UBE3C: variants seen among roughly 807,000 people sequenced by gnomAD.
The protein encoded by UBE3C is ubiquitin protein ligase E3C, also known as ubiquitin-protein ligase E3C.
UBE3C carries 42 observed loss-of-function variants against 129.4 expected under a neutral mutation model. That is an observed-to-expected ratio of 0.32 (90% CI 0.25 to 0.42). The LOEUF (loss-of-function observed/expected upper bound fraction) is 0.42, where lower values mean the gene tolerates loss of function less well. UBE3C is among the 10% of genes least tolerant of loss of function. The pLI, the probability that UBE3C is intolerant of heterozygous loss-of-function variation, is 1.00. For missense variants in UBE3C, 1,049 were observed against 1,319.1 expected (o/e 0.80, Z 3.17); for synonymous variants, 510 against 492.4 (o/e 1.04, Z -0.47).
chr7:157,139,184 G>T lies in UBE3C; in HGVS notation c.-89G>T. 1.0e-6 allele frequency: 1 copy of T among 988,772 alleles called. No individual in the cohort carries two copies. The highest frequency in any genetic ancestry group is 1.2e-6 in the Non-Finnish European group (1 of 807,956). The allele number at this position is 988,772 out of a possible 1,614,324, so 61.2% of individuals were successfully genotyped here. ...CTCGCTGCCCCGGGCCGGGCGGGCG[G>T]GCGCCGAGAGCCTCCCAGCCCGCCC... On this transcript the variant is annotated 5_prime_UTR_variant, in exon 1 of 23. Transcript: ENST00000348165.
chr7:157,250,108 C>T (rs1034302785), intron 19 of UBE3C, among the ~76,000 whole-genome samples: 2 of 152,174 alleles, frequency 1.3e-5, no homozygotes, highest in Non-Finnish European at 2.9e-5. Flanking sequence ...GGAAGTGGGG[C>T]TATCAGTTCC....
chr7:157,169,995 T>A (rs1808321451), intron 3 of UBE3C, among the ~76,000 whole-genome samples: 1 of 152,040 alleles, frequency 6.6e-6, no homozygotes, highest in African/African-American at 2.4e-5. Flanking sequence ...AGCTTTTGTA[T>A]TTTTAGTAGA....
chr7:157,231,271 C>T lies in UBE3C; in HGVS notation c.2425C>T (p.Leu809Phe). Residue 809 changes from leucine to phenylalanine, a missense_variant, in exon 18 of 23, where the codon CTT becomes TTT. Physicochemically the swap from Leu to Phe is conservative, Grantham distance 22 (BLOSUM62 0). Coordinates refer to ENST00000348165, the MANE Select transcript of UBE3C (RefSeq NM_014671.3). The stretch of plus-strand genomic sequence containing the variant: ...GTACCCCAACCCGGCTGCTCAGATG[C>T]TTGTGGGAGATTCTTTTGCCAGACA... ...LLYPNPAAQM[L>F]VGDSFARHYY... 1 of 1,614,140 alleles carries T rather than the reference C, an allele frequency of 6.2e-7. No homozygotes were observed. Among genetic ancestry groups the T allele is most frequent in the Non-Finnish European group, 8.5e-7 (1 of 1,180,044 alleles).
intron 2 of UBE3C, among the ~76,000 whole-genome samples, chr7:157,165,540 G>A (rs1258841777): frequency 1.3e-5 from 2 of 151,934 alleles, no homozygotes; most frequent in Admixed American, 1.3e-4. Flanking sequence ...TGGGACTACA[G>A]GTGCACGCCA....
chr7:157,169,912 G>A (rs941773023), intron 3 of UBE3C, among the ~76,000 whole-genome samples: 1 of 152,066 alleles, frequency 6.6e-6, no homozygotes, highest in African/African-American at 2.4e-5. Flanking sequence ...TCGAACTCCC[G>A]ACCTCAGGTG....
intron 18 of UBE3C, among the ~76,000 whole-genome samples, chr7:157,238,433 G>A (rs1384110373): frequency 6.6e-6 from 1 of 152,164 alleles, no homozygotes; most frequent in African/African-American, 2.4e-5. Flanking sequence ...CCCGGTGGTA[G>A]TGCTGGTAAG....
chr7:157,201,597 C>A, intron 10 of UBE3C, 124 bp from the exon 11 acceptor site: 1 of 646,792 alleles, frequency 1.5e-6, no homozygotes, highest in Non-Finnish European at 2.4e-6. Context: ...GGTATTAGTA[C>A]AGAGATTTGC....
At chr7:157,267,409 T>G (rs149430905) in intron 22 of UBE3C, among the ~76,000 whole-genome samples, 176 bp from the exon 23 acceptor site, 2 of 152,146 alleles carry the variant, frequency 1.3e-5, no homozygotes, top group Non-Finnish European at 2.9e-5. Flanking sequence ...GCGACAGAGC[T>G]AGACTCCATC....
At chr7:157,246,121 C>T (rs1204227162) in intron 18 of UBE3C, among the ~76,000 whole-genome samples, 6 of 151,934 alleles carry the variant, frequency 3.9e-5, no homozygotes, top group Non-Finnish European at 7.4e-5. Context: ...TTTCTCCAGT[C>T]GTATCAGTGG....
At chr7:157,190,633 C>T (rs2116950750) in intron 10 of UBE3C, among the ~76,000 whole-genome samples, 1 of 152,224 alleles carries the variant, frequency 6.6e-6, no homozygotes, top group Non-Finnish European at 1.5e-5. Flanking sequence ...GAGCTGTATT[C>T]TCTATGTCAT....
chr7:157,265,466 T>C (rs1797051226), intron 22 of UBE3C, among the ~76,000 whole-genome samples: 1 of 152,254 alleles, frequency 6.6e-6, no homozygotes, highest in Non-Finnish European at 1.5e-5. Context: ...AAGTCTGCGT[T>C]GAGCAATCCC....
chr7:157,264,376 T>C (rs1248435512), intron 22 of UBE3C, among the ~76,000 whole-genome samples: 1 of 137,238 alleles, frequency 7.3e-6, no homozygotes, highest in South Asian at 2.4e-4. Context: ...CACCTGGTAC[T>C]ACAGGTGTGA....
Position 157,225,553 on chromosome 7 carries a change from T to C in UBE3C, c.2233+14T>C, listed in dbSNP as rs1252482023. The C allele has an allele frequency of 6.5e-7, 1 of 1,549,724 alleles. No individual in the cohort carries two copies. Among genetic ancestry groups the C allele is most frequent in the Non-Finnish European group, 8.6e-7 (1 of 1,156,116 alleles). On this transcript the variant is annotated intron_variant, in intron 17 of 22. Coordinates refer to ENST00000348165, the MANE Select transcript of UBE3C (RefSeq NM_014671.3). ...CTCCAGAAAATGGTATATATAATTC[T>C]TTCTGTGTATTATTTGGCAGGTGGA...
chr7:157,141,522 C>T (rs975269079), intron 1 of UBE3C, among the ~76,000 whole-genome samples: 5 of 152,162 alleles, frequency 3.3e-5, no homozygotes, highest in Non-Finnish European at 2.9e-5. Flanking sequence ...ACCTGGACAG[C>T]GTGTTTCTGT....
chr7:157,141,396 C>T (rs1703928932), intron 1 of UBE3C, among the ~76,000 whole-genome samples: 1 of 152,200 alleles, frequency 6.6e-6, no homozygotes, highest in African/African-American at 2.4e-5. Context: ...GACGCTGTCA[C>T]TAGTCCAGTT....
chr7:157,182,763 G>A (rs1395430739), intron 8 of UBE3C, among the ~76,000 whole-genome samples: 1 of 151,934 alleles, frequency 6.6e-6, no homozygotes, highest in African/African-American at 2.4e-5. Flanking sequence ...TTGGGTGCGG[G>A]GGGGTATATA....
intron 10 of UBE3C, chr7:157,198,289 T>C: frequency 1.1e-6 from 1 of 916,036 alleles, no homozygotes; most frequent in East Asian, 2.4e-5. Flanking sequence ...TCTTGAAGAC[T>C]GCAGCTTTAG....
intron 1 of UBE3C, among the ~76,000 whole-genome samples, chr7:157,163,031 G>T (rs1297933242): frequency 6.6e-6 from 1 of 152,014 alleles, no homozygotes; most frequent in Non-Finnish European, 1.5e-5. Flanking sequence ...CAAAGAAATT[G>T]ATTTCTTCAT....
chr7:157,240,994 T>C (rs548985722), intron 18 of UBE3C, among the ~76,000 whole-genome samples: 22 of 152,054 alleles, frequency 1.4e-4, no homozygotes, highest in African/African-American at 4.8e-4. Context: ...GGAGAGGTAA[T>C]GGATGCGCAA....
Sources: allele counts gnomAD v4.1 joint callset (sites outside exome capture counted in the v4.1 genomes callset), GRCh38; gene constraint gnomAD v4.1.1; transcripts MANE v1.5; gene names NCBI Gene and HGNC (gene_info 2026-07-23, HGNC 2026-07-21).